Variants in CAMSAP1 observed in about 807,000 individuals in gnomAD.
CAMSAP1 encodes the protein calmodulin regulated spectrin associated protein 1, also known as calmodulin-regulated spectrin-associated protein 1.
In CAMSAP1, 58 loss-of-function variants were observed where a neutral mutation model predicts 143.5. The observed-to-expected ratio is 0.40, with a 90% confidence interval of 0.33 to 0.50. The LOEUF is 0.50. CAMSAP1 is among the 20% of genes least tolerant of loss of function. The probability of loss-of-function intolerance (pLI) is 0.45; values close to 1 mark genes in which losing one functional copy is unlikely to be tolerated. For synonymous variants in CAMSAP1, 945 were observed against 859.3 expected, an observed-to-expected ratio of 1.10 and a Z score of -1.74; for missense variants, 1,969 against 2,115.7, an observed-to-expected ratio of 0.93 and a Z score of 1.36.
intron 3 of CAMSAP1, among the ~76,000 whole-genome samples, chr9:135,875,965 G>T (rs1408694768): frequency 1.3e-5 from 2 of 152,130 alleles, no homozygotes; most frequent in African/African-American, 4.8e-5. Flanking sequence ...AAAAGCCTTT[G>T]CTTGTTTTTT....
intron 5 of CAMSAP1, among the ~76,000 whole-genome samples, chr9:135,856,633 G>A (rs986598213): frequency 6.6e-6 from 1 of 152,126 alleles, no homozygotes; most frequent in Non-Finnish European, 1.5e-5. Flanking sequence ...TGCCTCCCCA[G>A]CCTCTCTCCC....
intron 7 of CAMSAP1, among the ~76,000 whole-genome samples, chr9:135,832,603 C>G (rs1363223717): frequency 1.3e-5 from 2 of 152,154 alleles, no homozygotes; most frequent in East Asian, 3.8e-4. Context: ...ATAAAACTGT[C>G]TCACTGCAGA....
intron 7 of CAMSAP1, 64 bp downstream of exon 7, chr9:135,850,073 T>C: frequency 7.6e-7 from 1 of 1,311,930 alleles, no homozygotes; most frequent in Admixed American, 2.4e-5. Flanking sequence ...CACTGGAGAG[T>C]GCTTTCTGAT....
chr9:135,854,682 G>A (rs1836890927), intron 5 of CAMSAP1, among the ~76,000 whole-genome samples: 4 of 151,966 alleles, frequency 2.6e-5, no homozygotes, highest in African/African-American at 9.7e-5. Context: ...TTGAACTCCT[G>A]GGCTCAAATG....
chr9:135,844,911 C>T (rs549326408), intron 7 of CAMSAP1, among the ~76,000 whole-genome samples: 4 of 152,240 alleles, frequency 2.6e-5, no homozygotes, highest in South Asian at 2.1e-4. Flanking sequence ...CAGGAACAGA[C>T]GGATTCACAG....
At chr9:135,873,293 G>A (rs1837626182) in intron 3 of CAMSAP1, among the ~76,000 whole-genome samples, 1 of 152,088 alleles carries the variant, frequency 6.6e-6, no homozygotes, top group African/African-American at 2.4e-5. Flanking sequence ...GAAAGACATG[G>A]CCTATAAAAA....
chr9:135,906,258 T>C (rs970047871), intron 1 of CAMSAP1, among the ~76,000 whole-genome samples: 4 of 152,218 alleles, frequency 2.6e-5, no homozygotes, highest in African/African-American at 9.7e-5. Context: ...GCAAATATTT[T>C]AAGAATGCTT....
intron 1 of CAMSAP1, among the ~76,000 whole-genome samples, chr9:135,893,508 ATAGAT>A: frequency 2.0e-5 from 3 of 152,346 alleles, no homozygotes; most frequent in Admixed American, 2.0e-4. Context: ...GGGCTGATGA[ATAGAT>A]TAGATACAGA....
At chr9:135,830,332 T>G (rs1199206902) in intron 7 of CAMSAP1, among the ~76,000 whole-genome samples, 1 of 152,028 alleles carries the variant, frequency 6.6e-6, no homozygotes, top group Non-Finnish European at 1.5e-5. Context: ...CACTTTTGAG[T>G]GAAGAACACA....
At chr9:135,874,804 A>C (rs1360629492) in intron 3 of CAMSAP1, among the ~76,000 whole-genome samples, 1 of 152,210 alleles carries the variant, frequency 6.6e-6, no homozygotes, top group Non-Finnish European at 1.5e-5. Flanking sequence ...AGAATAAATA[A>C]GTTTAGCAAG....
intron 3 of CAMSAP1, among the ~76,000 whole-genome samples, chr9:135,870,555 A>G (rs889910056): frequency 6.6e-6 from 1 of 152,212 alleles, no homozygotes; most frequent in Admixed American, 6.5e-5. Context: ...GCACTTTGGG[A>G]GCCCGAGGCA....
At chr9:135,867,255 C>CA (rs148477036) in intron 3 of CAMSAP1, among the ~76,000 whole-genome samples, 1 of 151,210 alleles carries the variant, frequency 6.6e-6, no homozygotes, top group Non-Finnish European at 1.5e-5. Context: ...AAAATAAAGA[C>CA]AAAAAAAATA....
At position 135,818,186 on chromosome 9, in the gene CAMSAP1, A is replaced by G; in HGVS notation, c.4169-107T>C. 4 of 1,255,258 alleles carry G rather than the reference A, an allele frequency of 3.2e-6. No individual in the cohort carries two copies. The highest frequency in any genetic ancestry group is 5.1e-5 in the East Asian group (2 of 39,566). 77.8% of individuals were successfully genotyped at this position (1,255,258 alleles called of 1,614,324 possible). On this transcript the variant is annotated intron_variant, in intron 13 of 16. Coordinates refer to ENST00000389532, the MANE Select transcript of CAMSAP1 (RefSeq NM_015447.4). This position sits in a 1 kb window ranked among gnomAD's most constrained non-coding sequence, Gnocchi z 7.7. ...CTCGCCCTGCAGAGCTCGGCCACACAGGCCGCGTCCCCACCCCATCCCGGG... is the reference window on the plus strand; with the variant it reads ...CTCGCCCTGCAGAGCTCGGCCACACGGGCCGCGTCCCCACCCCATCCCGGG...
Position 135,892,732 on chromosome 9 carries a change from T to A in CAMSAP1, c.161-9654A>T, listed in dbSNP as rs937408348. On this transcript the variant is annotated intron_variant, in intron 1 of 16. Coordinates refer to ENST00000389532, the MANE Select transcript of CAMSAP1 (RefSeq NM_015447.4). ...CAGGCATGGTGGCATGCGCCTGTAATCCCAGCTATTCGGGAGGCTGAGGCA... is the reference window on the plus strand; with the variant it reads ...CAGGCATGGTGGCATGCGCCTGTAAACCCAGCTATTCGGGAGGCTGAGGCA... 1.0e-4 allele frequency among the ~76,000 whole-genome samples: 15 copies of A among 150,124 alleles called. No individual in the cohort carries two copies. In the Admixed American group the frequency reaches 1.0e-3, roughly 10 times the overall value.
In CAMSAP1 at chr9:135,823,157, C is replaced by T; in HGVS notation, c.1504G>A (p.Asp502Asn). ...TTAACAATGTTGGATGCCAAACTGT[C>T]TTTGCTGATGGAGCGGGCCAAGCTG... Reference protein sequence around the residue: ...SISLARSISKDSLASNIVNLT... With the variant: ...SISLARSISKNSLASNIVNLT... Residue 502 changes from aspartate to asparagine, a missense_variant, in exon 11 of 17, where the codon GAC (aspartate) becomes AAC (asparagine). Asp to Asn is a conservative substitution (Grantham distance 23). Around this residue, in one of 4 missense-constraint regions of CAMSAP1, gnomAD observed 1,390 missense variants for 1,420.8 expected, o/e 0.98. Coordinates refer to ENST00000389532, the MANE Select transcript of CAMSAP1 (RefSeq NM_015447.4). 6.2e-7 allele frequency: 1 copy of T among 1,612,504 alleles called. No homozygotes were observed. Among genetic ancestry groups the T allele is most frequent in the Non-Finnish European group, 8.5e-7 (1 of 1,178,790 alleles).
intron 4 of CAMSAP1, chr9:135,865,316 C>T (rs1257129874): frequency 1.9e-6 from 3 of 1,550,366 alleles, no homozygotes; most frequent in Non-Finnish European, 2.6e-6. Context: ...CAGCTGGCGG[C>T]TTGGGGTTCA....
At chr9:135,877,008 A>T (rs1250779512) in intron 3 of CAMSAP1, among the ~76,000 whole-genome samples, 1 of 151,842 alleles carries the variant, frequency 6.6e-6, no homozygotes, top group Non-Finnish European at 1.5e-5. Context: ...GACTACATCT[A>T]AAAAAAGAAA....
chr9:135,881,308 T>C (rs1214454218), intron 3 of CAMSAP1, among the ~76,000 whole-genome samples: 1 of 151,164 alleles, frequency 6.6e-6, no homozygotes, highest in East Asian at 1.9e-4. Context: ...CAGTAAGCCA[T>C]GATCGTGCCA....
intron 7 of CAMSAP1, chr9:135,836,578 C>T (rs1836051316): frequency 1.0e-6 from 1 of 984,354 alleles, no homozygotes; most frequent in Middle Eastern, 5.2e-4. Context: ...CATCACCACA[C>T]ACTTTCTACC....
Sources: gnomAD v4.1 joint callset for allele counts (sites outside exome capture counted in the v4.1 genomes callset) on GRCh38, gnomAD v4.1.1 for gene constraint, gnomAD v4.1.1 regional missense constraint, Gnocchi (gnomAD v3.1) non-coding constraint, MANE v1.5 for transcripts, NCBI Gene and HGNC (gene_info 2026-07-23, HGNC 2026-07-21) for gene names.